The following ROBO1 variants were observed in gnomAD, a reference collection of about 807,000 sequenced individuals.
The protein encoded by ROBO1 is roundabout homolog 1.
A neutral mutation model predicts 195.9 loss-of-function variants in ROBO1; 149 were observed. The ratio of observed to expected loss-of-function variants is 0.76; its 90% CI spans 0.67 to 0.87. ROBO1 has a LOEUF of 0.87. ROBO1 is among the 40% of genes least tolerant of loss of function. The pLI is 0.00. For missense variants in ROBO1, 1,933 were observed against 2,068.3 expected (o/e 0.93, Z 1.27); for synonymous variants, 816 against 733.2 (o/e 1.11, Z -1.82).
At chr3:79,549,236 G>C (rs1331454178) in intron 2 of ROBO1, among the ~76,000 whole-genome samples, 1 of 152,098 alleles carries the variant, frequency 6.6e-6, no homozygotes, top group Admixed American at 6.6e-5. Context: ...AAAAACAATG[G>C]GAACTGTGAC....
chr3:79,182,542 G>GGTGT (rs71127377), intron 2 of ROBO1, among the ~76,000 whole-genome samples: 43,046 of 148,366 alleles, frequency 0.29, 6,398 homozygotes, highest in East Asian at 0.46. Flanking sequence ...CTGGGGCACA[G>GGTGT]GTGTGTGTGT....
Position 79,063,015 on chromosome 3 carries a change from C to T in ROBO1, c.172+62441G>A, listed in dbSNP as rs191758120. Among the ~76,000 whole-genome samples, 49 of 151,926 alleles carry T rather than the reference C, an allele frequency of 3.2e-4. 1 individual carries two copies. Among genetic ancestry groups the T allele is most frequent in the African/African-American group, 1.2e-3 (49 of 41,518 alleles). On this transcript the variant is annotated intron_variant, in intron 3 of 30. Coordinates refer to ENST00000464233, the MANE Select transcript of ROBO1 (RefSeq NM_002941.4). ...AAAGAAGAAGAAAAAAAATGACCTTCCGTTGTCCTCTAGATGTTTCTGTAC... is the reference window on the plus strand; with the variant it reads ...AAAGAAGAAGAAAAAAAATGACCTTTCGTTGTCCTCTAGATGTTTCTGTAC...
chr3:78,673,562 TTATATATATATATATATATATATA>T lies in ROBO1; in HGVS notation c.1343-3285_1343-3262del, dbSNP rs1166250669. On this transcript the variant is annotated intron_variant, in intron 10 of 30. Transcript: ENST00000464233. ...ATATTACAGCTAGGTTACATATATT[TTATATATATATATATATATATATA>T]TATATATATATATATATATACACAC... Among the ~76,000 whole-genome samples, 38 of 63,376 alleles carry T rather than the reference TTATATATATATATATATATATATA, an allele frequency of 6.0e-4. No homozygotes were observed. The South Asian group carries it at 0.012, about 20-fold the overall frequency. 41.6% of individuals were successfully genotyped at this position (63,376 alleles called of 152,430 possible). A position where few individuals can be genotyped will look rare whatever the true frequency, so the allele number is the denominator to read the frequency against.
chr3:79,714,302 C>A (rs1702391005), intron 1 of ROBO1, among the ~76,000 whole-genome samples: 1 of 152,076 alleles, frequency 6.6e-6, no homozygotes, highest in Non-Finnish European at 1.5e-5. Context: ...CAATGAGATA[C>A]CATCTCACAC....
intron 2 of ROBO1, among the ~76,000 whole-genome samples, chr3:79,411,003 C>G (rs369327537): frequency 6.6e-6 from 1 of 152,126 alleles, no homozygotes; most frequent in Admixed American, 6.6e-5. Context: ...TATTGGCATG[C>G]CTTTTCTGAA....
chr3:78,984,924 A>G (rs1261858700), intron 3 of ROBO1, among the ~76,000 whole-genome samples: 1 of 152,118 alleles, frequency 6.6e-6, no homozygotes, highest in Non-Finnish European at 1.5e-5. Context: ...AGCAAGGCCA[A>G]CCCCTCCTCT....
intron 2 of ROBO1, among the ~76,000 whole-genome samples, chr3:79,146,596 GT>G (rs768859741): frequency 1.3e-5 from 2 of 151,848 alleles, no homozygotes; most frequent in East Asian, 1.9e-4. Context: ...CTTATGTGAA[GT>G]ATGCAGATAT....
chr3:78,751,051 T>TA (rs2082781207), intron 4 of ROBO1, among the ~76,000 whole-genome samples: 1 of 152,184 alleles, frequency 6.6e-6, no homozygotes, highest in Non-Finnish European at 1.5e-5. Context: ...AGGCTTGACT[T>TA]ATGGCGATTG....
At chr3:78,759,506 T>C (rs575193028) in intron 4 of ROBO1, 8 of 152,308 alleles carry the variant, frequency 5.3e-5, no homozygotes, top group African/African-American at 1.9e-4. Flanking sequence ...CATTTTTAAG[T>C]GCATCCAATA....
At chr3:79,500,147 T>TG (rs1939987735) in intron 2 of ROBO1, among the ~76,000 whole-genome samples, 1 of 81,970 alleles carries the variant, frequency 1.2e-5, no homozygotes, top group South Asian at 3.9e-4. Context: ...TTTTTTTTTT[T>TG]TGAGAAGAAG....
chr3:79,630,617 C>T (rs970379245), intron 1 of ROBO1, among the ~76,000 whole-genome samples: 4 of 151,870 alleles, frequency 2.6e-5, no homozygotes, highest in African/African-American at 9.7e-5. Flanking sequence ...CTATCCAACA[C>T]AGTACTGGAA....
chr3:79,124,972 G>A (rs748230127), intron 3 of ROBO1, among the ~76,000 whole-genome samples: 1 of 152,080 alleles, frequency 6.6e-6, no homozygotes, highest in Middle Eastern at 3.4e-3. Flanking sequence ...AATAAGTCAT[G>A]CAAACACAAT....
intron 2 of ROBO1, among the ~76,000 whole-genome samples, chr3:79,401,817 T>A (rs371775062): frequency 2.0e-5 from 3 of 151,810 alleles, no homozygotes; most frequent in Non-Finnish European, 4.4e-5. Context: ...TATATAACCA[T>A]AAAAATAAAA....
chr3:78,977,392 T>C (rs557616388), intron 3 of ROBO1, among the ~76,000 whole-genome samples: 14 of 152,234 alleles, frequency 9.2e-5, no homozygotes, highest in African/African-American at 3.1e-4. Flanking sequence ...AAATAACTTT[T>C]TCTGGCTTGA....
chr3:79,303,555 A>G (rs913313110), intron 2 of ROBO1, among the ~76,000 whole-genome samples: 2 of 152,126 alleles, frequency 1.3e-5, no homozygotes, highest in South Asian at 2.1e-4. Flanking sequence ...TATAGTCACC[A>G]TGTTGTAGAA....
At chr3:79,206,701 TA>T in intron 2 of ROBO1, among the ~76,000 whole-genome samples, 1 of 152,158 alleles carries the variant, frequency 6.6e-6, no homozygotes, top group Non-Finnish European at 1.5e-5. Context: ...TCACTTCCAC[TA>T]AAAAATAGTT....
intron 2 of ROBO1, among the ~76,000 whole-genome samples, chr3:79,478,086 G>T (rs536357983): frequency 6.6e-6 from 1 of 151,882 alleles, no homozygotes; most frequent in Non-Finnish European, 1.5e-5. Context: ...TAATAACTTG[G>T]TTGGCTGTAA....
At chr3:79,664,926 C>G (rs1016802063) in intron 1 of ROBO1, among the ~76,000 whole-genome samples, 1 of 151,882 alleles carries the variant, frequency 6.6e-6, no homozygotes, top group African/African-American at 2.4e-5. Flanking sequence ...TAGATACTTT[C>G]TGTATTATGT....
intron 3 of ROBO1, among the ~76,000 whole-genome samples, chr3:78,955,507 T>C (rs1321126058): frequency 6.6e-6 from 1 of 152,150 alleles, no homozygotes; most frequent in Non-Finnish European, 1.5e-5. Context: ...ATAGGAGGGT[T>C]TTTAAAATTA....
Sources: allele counts gnomAD v4.1 joint callset (sites outside exome capture counted in the v4.1 genomes callset), GRCh38; gene constraint gnomAD v4.1.1; transcripts MANE v1.5; gene names NCBI Gene and HGNC (gene_info 2026-07-23, HGNC 2026-07-21).